NTRK2: variants seen among roughly 807,000 people sequenced by gnomAD.
The protein encoded by NTRK2 is BDNF/NT-3 growth factors receptor.
Under a neutral mutation model 94.5 loss-of-function variants are expected in NTRK2, and 13 were observed. That is an observed-to-expected ratio of 0.14 (90% confidence interval 0.09 to 0.22). The LOEUF (loss-of-function observed/expected upper bound fraction) is 0.22. NTRK2 is among the 10% of genes least tolerant of loss of function. NTRK2 has a pLI of 1.00. For missense variants in NTRK2, 639 were observed against 1,071.2 expected (o/e 0.60, Z 5.63); for synonymous variants, 372 against 407.4 (o/e 0.91, Z 1.05).
intron 17 of NTRK2, among the ~76,000 whole-genome samples, chr9:85,016,102 G>A (rs985270577): frequency 6.6e-6 from 1 of 152,212 alleles, no homozygotes. Context: ...TGAAGACTGA[G>A]TGTTGATGGA....
chr9:84,867,682 A>G (rs1055588298), intron 14 of NTRK2, among the ~76,000 whole-genome samples: 7 of 152,192 alleles, frequency 4.6e-5, no homozygotes, highest in African/African-American at 1.7e-4. Context: ...TTCCAAAACC[A>G]TTTGTCAATG....
chr9:84,823,924 A>T (rs1350206484), intron 12 of NTRK2, among the ~76,000 whole-genome samples: 3 of 152,184 alleles, frequency 2.0e-5, no homozygotes, highest in African/African-American at 7.2e-5. Context: ...TCCTGGAAAC[A>T]GATGCTGAGA....
At chr9:84,790,678 G>A (rs764287076) in intron 12 of NTRK2, among the ~76,000 whole-genome samples, 10 of 152,188 alleles carry the variant, frequency 6.6e-5, no homozygotes, top group Non-Finnish European at 1.0e-4. Context: ...GGTACAGGGA[G>A]ATATGGTTTT....
intron 12 of NTRK2, among the ~76,000 whole-genome samples, chr9:84,765,911 A>G (rs1320538975): frequency 6.6e-6 from 1 of 152,286 alleles, no homozygotes; most frequent in East Asian, 1.9e-4. Context: ...AATATAATAG[A>G]AAAAATTAAA....
chr9:84,701,828 G>A (rs920117726), intron 2 of NTRK2, among the ~76,000 whole-genome samples: 1 of 152,206 alleles, frequency 6.6e-6, no homozygotes, highest in Non-Finnish European at 1.5e-5. Flanking sequence ...ACACCTTTGA[G>A]AGGAGTAGAT....
At chr9:84,749,159 CG>C (rs1263419587) in intron 11 of NTRK2, among the ~76,000 whole-genome samples, 1 of 151,868 alleles carries the variant, frequency 6.6e-6, no homozygotes, top group Non-Finnish European at 1.5e-5. Context: ...ACCTAGGAGG[CG>C]GAGGTTGTGG....
At chr9:84,718,074 C>T (rs1331145776) in intron 6 of NTRK2, among the ~76,000 whole-genome samples, 1 of 150,876 alleles carries the variant, frequency 6.6e-6, no homozygotes, top group Non-Finnish European at 1.5e-5. Flanking sequence ...CTTTCTTCTT[C>T]CTTTTTTTTT....
rs2059389598 is a variant in NTRK2 at position 84,681,505 on chromosome 9, T to A, written c.212+10545T>A. Among the ~76,000 whole-genome samples the A allele has an allele frequency of 2.0e-5, 3 of 152,280 alleles. No individual in the cohort carries two copies. The South Asian group carries it at 6.2e-4, about 32-fold the overall frequency. On this transcript the variant is annotated intron_variant, in intron 2 of 18. Coordinates refer to ENST00000277120, the MANE Select transcript of NTRK2 (RefSeq NM_006180.6). ...CTATGTTGGGAACTAGCTAGGTACA[T>A]GGGATATGGTGAGAAAAACTGCCCT... is the stretch of plus-strand genomic sequence containing the variant.
chr9:84,675,324 CTTTTTTTTTTTTTTT>C (rs536445167), intron 2 of NTRK2, among the ~76,000 whole-genome samples: 3 of 67,324 alleles, frequency 4.5e-5, no homozygotes, highest in African/African-American at 1.8e-4. Flanking sequence ...TCTTTCTTTC[CTTTTTTTTTTTTTTT>C]TTTTTTTTTT....
At chr9:85,014,599 C>T (rs560208188) in intron 17 of NTRK2, among the ~76,000 whole-genome samples, 136 of 152,314 alleles carry the variant, frequency 8.9e-4, no homozygotes, top group African/African-American at 3.2e-3. Context: ...AATTTACAAC[C>T]TAATGACCAG....
At chr9:85,020,860 T>G (rs923075020) in intron 18 of NTRK2, among the ~76,000 whole-genome samples, 6 of 152,178 alleles carry the variant, frequency 3.9e-5, no homozygotes, top group Non-Finnish European at 7.3e-5. Flanking sequence ...TCAGATCCAT[T>G]TCTATCTTTT....
At chr9:84,796,832 C>T (rs1437778769) in intron 12 of NTRK2, among the ~76,000 whole-genome samples, 2 of 152,106 alleles carry the variant, frequency 1.3e-5, no homozygotes, top group Non-Finnish European at 2.9e-5. Context: ...AAAGGAATCT[C>T]ATGAAAACAA....
At chr9:84,899,498 T>G (rs1224073804) in intron 14 of NTRK2, among the ~76,000 whole-genome samples, 1 of 152,192 alleles carries the variant, frequency 6.6e-6, no homozygotes, top group Non-Finnish European at 1.5e-5. Context: ...GCACCTGCCC[T>G]CCCACCAGCC....
At chr9:84,871,748 C>T in intron 14 of NTRK2, 2 of 1,573,032 alleles carry the variant, frequency 1.3e-6, no homozygotes, top group Non-Finnish European at 8.8e-7. Context: ...TGAATTCCTC[C>T]CGAGCACTTT....
rs185964323 is a variant in NTRK2 at position 85,010,065 on chromosome 9, A to G, written c.2173-10141A>G. On this transcript the variant is annotated intron_variant, in intron 17 of 18. Transcript: ENST00000277120. ...CAGCTACTCTCTCTACTTGCTGGAC[A>G]GGATGCACGCAGGACAGCAGTCATC... Among the ~76,000 whole-genome samples, 6 of 152,370 alleles carry G rather than the reference A, an allele frequency of 3.9e-5. No homozygotes were observed. In the East Asian group the frequency reaches 1.2e-3, roughly 29 times the overall value.
chr9:84,849,583 A>G (rs997279148), intron 12 of NTRK2, among the ~76,000 whole-genome samples: 2 of 152,194 alleles, frequency 1.3e-5, no homozygotes, highest in South Asian at 4.1e-4. Flanking sequence ...TGAACCAGGC[A>G]CTGTACTCAA....
intron 11 of NTRK2, 26 bp downstream of exon 11, chr9:84,745,099 AT>A: frequency 6.4e-7 from 1 of 1,554,572 alleles, no homozygotes. Flanking sequence ...AGGTGTCTGA[AT>A]TGGTTCTGAG....
chr9:84,906,841 G>T (rs1304501090), intron 14 of NTRK2, among the ~76,000 whole-genome samples: 3 of 152,186 alleles, frequency 2.0e-5, no homozygotes, highest in African/African-American at 7.2e-5. Context: ...GCTTCTTTAA[G>T]TATTCCTTTG....
At position 84,698,214 on chromosome 9, in the gene NTRK2, A is replaced by G. The variant is rs988613478; in HGVS notation, c.213-3945A>G. 3.3e-5 allele frequency among the ~76,000 whole-genome samples: 5 copies of G among 152,122 alleles called. No homozygotes were observed. In the South Asian group the frequency reaches 6.2e-4, roughly 19 times the overall value. ...TTGGAATCATCTTTCTATACTTGGC[A>G]TATCTACTTGACTGTGAACACTATG... On this transcript the variant is annotated intron_variant, in intron 2 of 18. Coordinates refer to ENST00000277120, the MANE Select transcript of NTRK2 (RefSeq NM_006180.6).
Sources: gnomAD v4.1 joint callset for allele counts (sites outside exome capture counted in the v4.1 genomes callset) on GRCh38, gnomAD v4.1.1 for gene constraint, MANE v1.5 for transcripts, NCBI Gene and HGNC (gene_info 2026-07-23, HGNC 2026-07-21) for gene names.